LYPD6B: variants seen among roughly 807,000 people sequenced by gnomAD.
The protein encoded by LYPD6B is ly6/PLAUR domain-containing protein 6B.
Under a neutral mutation model 22.8 loss-of-function variants are expected in LYPD6B, and 17 were observed. That is an observed-to-expected ratio of 0.75 (90% CI 0.51 to 1.12). The LOEUF is 1.12. Among genes scored for constraint, LYPD6B ranks in the 50% most tolerant of loss-of-function variants. The pLI is 0.00. For missense variants in LYPD6B, 221 were observed against 258.3 expected (o/e 0.86, Z 0.99); for synonymous variants, 106 against 91.6 (o/e 1.16, Z -0.90).
At chr2:149,130,538 G>T (rs917792714) in intron 1 of LYPD6B, among the ~76,000 whole-genome samples, 1 of 152,188 alleles carries the variant, frequency 6.6e-6, no homozygotes, top group Non-Finnish European at 1.5e-5. Context: ...CTAAAAGAGG[G>T]TATTAGGCCT....
chr2:149,040,887 A>G (rs540234351), intron 1 of LYPD6B, among the ~76,000 whole-genome samples: 6 of 152,342 alleles, frequency 3.9e-5, no homozygotes, highest in African/African-American at 1.4e-4. Context: ...TTCGACATAT[A>G]ATAAATGCTC....
In LYPD6B at chr2:149,067,835, C is replaced by G. The variant is rs180843799; in HGVS notation, c.-67+29034C>G. The stretch of plus-strand genomic sequence containing the variant: ...ACAGAAAAATTTAATTTACTACTCA[C>G]TGGTAGCATGTATTCTGTATTATAT... On this transcript the variant is annotated intron_variant, in intron 1 of 6. Coordinates refer to ENST00000409642, the MANE Select transcript of LYPD6B (RefSeq NM_177964.5). Among the ~76,000 whole-genome samples the G allele has an allele frequency of 2.4e-3, 370 of 152,266 alleles. 4 individuals carry two copies. Among genetic ancestry groups the G allele is most frequent in the African/African-American group, 8.7e-3 (360 of 41,562 alleles).
At chr2:149,049,624 G>C (rs1338202635) in intron 1 of LYPD6B, among the ~76,000 whole-genome samples, 1 of 152,176 alleles carries the variant, frequency 6.6e-6, no homozygotes, top group East Asian at 1.9e-4. Flanking sequence ...ACCCTGGCCA[G>C]TTTTATGCGC....
intron 3 of LYPD6B, among the ~76,000 whole-genome samples, chr2:149,192,073 C>T (rs550681452): frequency 1.4e-4 from 20 of 145,568 alleles, no homozygotes; most frequent in East Asian, 6.8e-4. Flanking sequence ...CTAGGTAAAG[C>T]GTGTTAAGGA....
chr2:149,150,771 A>G (rs1689315432), intron 2 of LYPD6B, among the ~76,000 whole-genome samples: 1 of 151,732 alleles, frequency 6.6e-6, no homozygotes, highest in Non-Finnish European at 1.5e-5. Flanking sequence ...CTTTCCTTGT[A>G]TTTTTCTTCC....
At chr2:149,109,993 G>A (rs1421746158) in intron 1 of LYPD6B, among the ~76,000 whole-genome samples, 2 of 152,142 alleles carry the variant, frequency 1.3e-5, no homozygotes, top group Non-Finnish European at 2.9e-5. Context: ...TTACAGGCAT[G>A]AGCCACCGTA....
intron 1 of LYPD6B, among the ~76,000 whole-genome samples, chr2:149,107,615 T>C (rs1199571948): frequency 6.6e-6 from 1 of 152,252 alleles, no homozygotes; most frequent in Non-Finnish European, 1.5e-5. Flanking sequence ...TATTTTAAAC[T>C]TCCTCTTTGA....
chr2:149,061,972 CT>C (rs780959897), intron 1 of LYPD6B, among the ~76,000 whole-genome samples: 1,932 of 142,436 alleles, frequency 0.014, 24 homozygotes, highest in African/African-American at 0.04. Context: ...ATCGTAGAAT[CT>C]TTTTTTTTTT....
chr2:149,120,383 A>ATATATATTTTTTTTTTTTTTT (rs1327065975), intron 1 of LYPD6B, among the ~76,000 whole-genome samples: 1 of 48,612 alleles, frequency 2.1e-5, no homozygotes, highest in African/African-American at 1.1e-4. Context: ...ATATATATAT[A>ATATATATTTTTTTTTTTTTTT]TTTTTTTTTT....
chr2:149,109,930 C>T (rs563046335), intron 1 of LYPD6B, among the ~76,000 whole-genome samples: 6 of 152,020 alleles, frequency 3.9e-5, no homozygotes, highest in African/African-American at 9.7e-5. Flanking sequence ...AGGCTGGTCT[C>T]GAACTCCTGA....
At chr2:149,186,051 C>T (rs1334988553) in intron 3 of LYPD6B, among the ~76,000 whole-genome samples, 1 of 152,182 alleles carries the variant, frequency 6.6e-6, no homozygotes, top group Non-Finnish European at 1.5e-5. Context: ...CAATTAATAA[C>T]CCTATGGCCT....
chr2:149,178,085 A>C (rs71413648), intron 3 of LYPD6B, among the ~76,000 whole-genome samples: 19 of 152,232 alleles, frequency 1.2e-4, no homozygotes, highest in Non-Finnish European at 2.4e-4. Context: ...AGTTCCTAAT[A>C]GTTCTTAAGT....
At chr2:149,108,193 T>C (rs1317675272) in intron 1 of LYPD6B, among the ~76,000 whole-genome samples, 1 of 152,186 alleles carries the variant, frequency 6.6e-6, no homozygotes, top group Non-Finnish European at 1.5e-5. Context: ...TGCTGCCATC[T>C]ATGTAAGACA....
At chr2:149,120,778 C>G (rs1687295914) in intron 1 of LYPD6B, among the ~76,000 whole-genome samples, 1 of 125,676 alleles carries the variant, frequency 8.0e-6, no homozygotes. Flanking sequence ...TACTATGCTA[C>G]AAAGTCTTTT....
intron 2 of LYPD6B, among the ~76,000 whole-genome samples, chr2:149,159,118 G>A (rs1689886665): frequency 6.6e-6 from 1 of 151,970 alleles, no homozygotes; most frequent in African/African-American, 2.4e-5. Flanking sequence ...TTCATGTTGT[G>A]GGATGCAGTA....
At chr2:149,062,509 T>C (rs1324332801) in intron 1 of LYPD6B, among the ~76,000 whole-genome samples, 3 of 152,126 alleles carry the variant, frequency 2.0e-5, no homozygotes, top group African/African-American at 7.2e-5. Flanking sequence ...TCTCAGGCAT[T>C]CCTTCCCTAC....
At chr2:149,200,338 C>T (rs1402649232) in intron 3 of LYPD6B, among the ~76,000 whole-genome samples, 1 of 152,116 alleles carries the variant, frequency 6.6e-6, no homozygotes. Flanking sequence ...TCTTCTTTTT[C>T]AAATCACCTT....
intron 2 of LYPD6B, among the ~76,000 whole-genome samples, chr2:149,138,073 G>A (rs1182798216): frequency 1.3e-5 from 2 of 152,108 alleles, no homozygotes; most frequent in Non-Finnish European, 2.9e-5. Context: ...ATATCCTGTG[G>A]CTTCTTTCCT....
At chr2:149,206,611 A>T (rs983683712) in intron 4 of LYPD6B, among the ~76,000 whole-genome samples, 1 of 152,198 alleles carries the variant, frequency 6.6e-6, no homozygotes, top group African/African-American at 2.4e-5. Context: ...AAAAAAGACA[A>T]AAAAGTAATT....
Sources: allele counts gnomAD v4.1 joint callset (sites outside exome capture counted in the v4.1 genomes callset), GRCh38; gene constraint gnomAD v4.1.1; transcripts MANE v1.5; gene names NCBI Gene and HGNC (gene_info 2026-07-23, HGNC 2026-07-21).